The following STARD9 variants were observed in gnomAD, a reference collection of about 807,000 sequenced individuals.
STARD9 encodes StAR related lipid transfer domain containing 9, also known as stAR-related lipid transfer protein 9.
In STARD9, 346 loss-of-function variants were observed where a neutral mutation model predicts 399.8. The observed-to-expected ratio is 0.87, with a 90% CI of 0.79 to 0.95. The LOEUF (loss-of-function observed/expected upper bound fraction) is 0.95. STARD9 is among the 40% of genes least tolerant of loss of function. The pLI, the probability that STARD9 is intolerant of heterozygous loss-of-function variation, is 0.00. For missense variants in STARD9, 5,832 were observed against 5,667.5 expected (o/e 1.03, Z -0.93); for synonymous variants, 2,203 against 2,143.5 (o/e 1.03, Z -0.77).
rs531501790 is a variant in STARD9 at position 42,699,650 on chromosome 15, C to T, written c.13284+3770C>T. Among the ~76,000 whole-genome samples the T allele has an allele frequency of 2.0e-5, 3 of 151,924 alleles. No individual in the cohort carries two copies. In the South Asian group the frequency reaches 6.2e-4, roughly 32 times the overall value. On this transcript the variant is annotated intron_variant, in intron 26 of 32. Transcript: ENST00000290607. ...CCTCGTGATCTGCCCGCCTTGGCCTCCCAAAATGCTGGGATTACAGACGTG... is the reference window on the plus strand; with the variant it reads ...CCTCGTGATCTGCCCGCCTTGGCCTTCCAAAATGCTGGGATTACAGACGTG...
At chr15:42,607,685 C>CACACAA (rs1337784119) in intron 3 of STARD9, among the ~76,000 whole-genome samples, 30 of 149,718 alleles carry the variant, frequency 2.0e-4, no homozygotes, top group African/African-American at 7.0e-4. Context: ...CACACACACA[C>CACACAA]AAATATATAT....
Position 42,690,440 on chromosome 15 carries a change from A to G in STARD9, c.8862A>G (p.Arg2954=). 6.5e-7 allele frequency: 1 copy of G among 1,537,210 alleles called. No homozygotes were observed. The highest frequency in any genetic ancestry group is 8.7e-7 in the Non-Finnish European group (1 of 1,146,906). The change falls in exon 23 of 33, where the codon CGA becomes CGG. Residue 2954 remains arginine, a synonymous_variant. Transcript: ENST00000290607. Reference sequence around the variant, plus strand: ...AAGAGAGCAGAACTCTTCCTTGCCGACAGCCATGCAGTTCTCAACCTGTTG... The same window carrying G: ...AAGAGAGCAGAACTCTTCCTTGCCGGCAGCCATGCAGTTCTCAACCTGTTG... ...RGKESRTLPC[R]QPCSSQPVAT... is the part of the protein sequence containing the mutation.
At chr15:42,674,768 T>G (rs569643823) in intron 17 of STARD9, 59 bp from the exon 18 acceptor site, 1 of 1,466,446 alleles carries the variant, frequency 6.8e-7, no homozygotes, top group Admixed American at 2.5e-5. Flanking sequence ...CAGAAAGAAA[T>G]GGAGAGGGTG....
chr15:42,715,939 C>T (rs2061341196), intron 26 of STARD9, among the ~76,000 whole-genome samples: 1 of 152,264 alleles, frequency 6.6e-6, no homozygotes, highest in Non-Finnish European at 1.5e-5. Flanking sequence ...AGCGTGAGAG[C>T]TAAGCCAGAG....
chr15:42,718,490 T>C lies in STARD9; in HGVS notation c.13818T>C (p.Cys4606=). ...LCALKQPRDF[C]CVCVEAKEGH... is the part of the protein sequence containing the mutation. Reference sequence around the variant, plus strand: ...CACTGAAGCAGCCACGGGATTTCTGTTGTGTCTGCGTGGAAGCCAAAGAGG... The same window carrying C: ...CACTGAAGCAGCCACGGGATTTCTGCTGTGTCTGCGTGGAAGCCAAAGAGG... Residue 4606 remains cysteine (C), a synonymous_variant, in exon 31 of 33, where the codon TGT becomes TGC. Transcript: ENST00000290607. 6.5e-7 allele frequency: 1 copy of C among 1,537,170 alleles called. No homozygotes were observed. The highest frequency in any genetic ancestry group is 8.7e-7 in the Non-Finnish European group (1 of 1,146,862).
rs114389162 is a variant in STARD9, at chr15:42,696,733, T to A, written c.13284+853T>A. On this transcript the variant is annotated intron_variant, in intron 26 of 32. Coordinates refer to ENST00000290607, the MANE Select transcript of STARD9 (RefSeq NM_020759.3). ...GAGGAGGATGTAATGGAGAGAGAGA[T>A]CTGCAGGACTTGGTGACTGGTTGGG... Among the ~76,000 whole-genome samples the A allele has an allele frequency of 3.8e-3, 573 of 152,070 alleles. 4 individuals carry two copies. Among genetic ancestry groups the A allele is most frequent in the African/African-American group, 0.013 (550 of 41,436 alleles).
In STARD9 at chr15:42,710,203, G is replaced by A. The variant is rs1473863589; in HGVS notation, c.13285-6474G>A. 4.7e-3 allele frequency among the ~76,000 whole-genome samples: 708 copies of A among 151,906 alleles called. 11 individuals carry two copies. Among genetic ancestry groups the A allele is most frequent in the African/African-American group, 0.016 (672 of 41,350 alleles). ...AGCCTCCTGAGTACCTGGAGTACAG[G>A]TGTGCACCACCATGCCCGGGTACTT... On this transcript the variant is annotated intron_variant, in intron 26 of 32. Coordinates refer to ENST00000290607, the MANE Select transcript of STARD9 (RefSeq NM_020759.3).
At chr15:42,585,420 C>T in intron 2 of STARD9, 101 bp from the exon 3 acceptor site, 2 of 647,886 alleles carry the variant, frequency 3.1e-6, no homozygotes, top group Non-Finnish European at 2.7e-6. Context: ...GTCTCATGAC[C>T]AGTCCAAGTC....
intron 3 of STARD9, among the ~76,000 whole-genome samples, chr15:42,614,416 C>A (rs189296046): frequency 6.6e-6 from 1 of 152,118 alleles, no homozygotes; most frequent in Non-Finnish European, 1.5e-5. Flanking sequence ...AACCGAATGG[C>A]CCAAAAAATG....
chr15:42,662,931 G>A (rs773394120), intron 11 of STARD9, 40 bp downstream of exon 11: 98 of 1,350,382 alleles, frequency 7.3e-5, no homozygotes, highest in Non-Finnish European at 9.3e-5. Context: ...GGGAGAGTTC[G>A]GAAAATAACT....
chr15:42,683,788 C>T (rs570236085), intron 22 of STARD9, among the ~76,000 whole-genome samples: 1 of 152,114 alleles, frequency 6.6e-6, no homozygotes, highest in East Asian at 1.9e-4. Context: ...ATGTATCACT[C>T]TATAGATTTA....
At position 42,690,417 on chromosome 15, in the gene STARD9, G is replaced by A; in HGVS notation, c.8839G>A (p.Glu2947Lys). Residue 2947 changes from glutamate (E) to lysine (K), a missense_variant, in exon 23 of 33, where the codon GAG becomes AAG. Coordinates refer to ENST00000290607, the MANE Select transcript of STARD9 (RefSeq NM_020759.3). ...SRTLSPSRGK[E>K]SRTLPCRQPC... The stretch of plus-strand genomic sequence containing the variant: ...GACTCTCAGCCCGTCTAGAGGGAAA[G>A]AGAGCAGAACTCTTCCTTGCCGACA... The A allele has an allele frequency of 6.5e-7, 1 of 1,537,272 alleles. No homozygotes were observed. Among genetic ancestry groups the A allele is most frequent in the East Asian group, 2.4e-5 (1 of 40,918 alleles).
At chr15:42,589,952 CTTTTTT>C (rs961377203) in intron 3 of STARD9, among the ~76,000 whole-genome samples, 4 of 91,954 alleles carry the variant, frequency 4.4e-5, no homozygotes, top group African/African-American at 1.3e-4. Flanking sequence ...AACCTTGATT[CTTTTTT>C]TTTTTTTTTT....
chr15:42,599,292 T>A (rs149344791), intron 3 of STARD9, among the ~76,000 whole-genome samples: 114 of 152,324 alleles, frequency 7.5e-4, no homozygotes, highest in African/African-American at 2.6e-3. Context: ...CCATACTGTT[T>A]CAGAAAGTTT....
intron 9 of STARD9, among the ~76,000 whole-genome samples, chr15:42,658,967 G>A (rs1043006988): frequency 1.3e-5 from 2 of 152,166 alleles, no homozygotes; most frequent in Non-Finnish European, 2.9e-5. Context: ...ACAAAAATTA[G>A]CCAGGCTTGG....
intron 22 of STARD9, among the ~76,000 whole-genome samples, chr15:42,683,898 G>C (rs1221704803): frequency 6.6e-6 from 1 of 152,170 alleles, no homozygotes; most frequent in African/African-American, 2.4e-5. Flanking sequence ...CTTCAGTTCA[G>C]TTTTTTAACA....
At chr15:42,681,352 C>G in intron 20 of STARD9, 70 bp from the exon 21 acceptor site, 1 of 1,455,784 alleles carries the variant, frequency 6.9e-7, no homozygotes, top group East Asian at 2.5e-5. Context: ...GAAGGCCTTA[C>G]ACTGCTATCA....
At chr15:42,695,902 A>G (rs1429420193) in intron 26 of STARD9, 22 bp downstream of exon 26, 4 of 1,532,448 alleles carry the variant, frequency 2.6e-6, no homozygotes, top group Admixed American at 2.0e-5. Context: ...GATGTTGGGA[A>G]TGAGCCAGGG....
chr15:42,599,675 C>T (rs1376334129), intron 3 of STARD9, among the ~76,000 whole-genome samples: 1 of 152,192 alleles, frequency 6.6e-6, no homozygotes, highest in Non-Finnish European at 1.5e-5. Flanking sequence ...TCCTTGAAGG[C>T]AGACTAGGTC....
Sources: allele counts gnomAD v4.1 joint callset (sites outside exome capture counted in the v4.1 genomes callset), GRCh38; gene constraint gnomAD v4.1.1; transcripts MANE v1.5; gene names NCBI Gene and HGNC (gene_info 2026-07-23, HGNC 2026-07-21).